The following ABCA4 variants were observed in gnomAD, a reference collection of about 807,000 sequenced individuals.
ABCA4 encodes the protein ATP binding cassette subfamily A member 4, also known as retinal-specific phospholipid-transporting ATPase ABCA4.
ABCA4 carries 196 observed loss-of-function variants against 263.7 expected under a neutral mutation model. The observed-to-expected ratio is 0.74, with a 90% CI of 0.66 to 0.84. ABCA4 has a LOEUF of 0.84. Ranked by LOEUF, ABCA4 falls within the 40% of genes least tolerant of loss-of-function variation. The probability of loss-of-function intolerance (pLI) is 0.00; values close to 1 mark genes in which losing one functional copy is unlikely to be tolerated. For synonymous variants in ABCA4, 1,133 were observed against 1,094.2 expected, an observed-to-expected ratio of 1.04 and a Z score of -0.70; for missense variants, 2,792 against 2,855.1, an observed-to-expected ratio of 0.98 and a Z score of 0.50.
intron 1 of ABCA4, among the ~76,000 whole-genome samples, chr1:94,119,422 C>T (rs1048494927): frequency 2.0e-5 from 3 of 152,282 alleles, no homozygotes; most frequent in East Asian, 3.9e-4. Context: ...GCCATCCATG[C>T]GCATGGTTGA....
Position 94,010,829 on chromosome 1 carries a change from C to A in ABCA4, c.5685G>T (p.Leu1895=). 1 of 1,614,088 alleles carries A rather than the reference C, an allele frequency of 6.2e-7. No homozygotes were observed. The highest frequency in any genetic ancestry group is 8.5e-7 in the Non-Finnish European group (1 of 1,180,014). Residue 1895 remains leucine, a synonymous_variant, in exon 40 of 50, where the codon CTG becomes CTT. Transcript: ENST00000370225. ...EGVVYFLLTL[L]VQRHFFLSQW... Reference sequence around the variant, plus strand: ...GGGAGAGGAAGAAGTGGCGCTGGACCAGCAGGGTCAGGAGGAAGTACACCA... The same window carrying A: ...GGGAGAGGAAGAAGTGGCGCTGGACAAGCAGGGTCAGGAGGAAGTACACCA...
chr1:94,112,363 A>AGT (rs1662631547), intron 2 of ABCA4, among the ~76,000 whole-genome samples: 1 of 152,220 alleles, frequency 6.6e-6, no homozygotes, highest in Non-Finnish European at 1.5e-5. Context: ...TCGAGAACTC[A>AGT]TCTACAAATC....
In ABCA4 at chr1:94,054,789, G is replaced by A. The variant is rs1237088698; in HGVS notation, c.2587+322C>T. Among the ~76,000 whole-genome samples the A allele has an allele frequency of 2.0e-5, 3 of 152,122 alleles. No individual in the cohort carries two copies. In the East Asian group the frequency reaches 5.8e-4, roughly 29 times the overall value. Reference sequence around the variant, plus strand: ...AGCCAGTGCAAGCATTTGACAGAGAGGGCTGACACCACATGACCTTGATTC... The same window carrying A: ...AGCCAGTGCAAGCATTTGACAGAGAAGGCTGACACCACATGACCTTGATTC... On this transcript the variant is annotated intron_variant, in intron 16 of 49. Coordinates refer to ENST00000370225, the MANE Select transcript of ABCA4 (RefSeq NM_000350.3).
Position 94,078,653 on chromosome 1 carries a change from C to T in ABCA4, c.1293G>A (p.Trp431Ter), listed in dbSNP as rs886044725. The change falls in exon 10 of 50, where the codon TGG becomes TGA. Residue 431 changes from tryptophan (W) to a stop codon, truncating the protein, a stop_gained. Transcript: ENST00000370225. LOFTEE classifies it high-confidence loss of function. The stretch of plus-strand genomic sequence containing the variant: ...ACCAGATCTGGGGCCCTACTTCTTC[C>T]CAGGCTTTGACCAACTTCCTAACGT... ...LEHVRKLVKA[W>*]EEVGPQIWYF... 6.3e-7 allele frequency: 1 copy of T among 1,599,740 alleles called. No individual in the cohort carries two copies. The highest frequency in any genetic ancestry group is 8.5e-7 in the Non-Finnish European group (1 of 1,172,016).
rs771055152 is a variant in ABCA4 at position 94,001,042 on chromosome 1, T to A, written c.6346A>T (p.Ile2116Phe). 15 of 1,614,166 alleles carry A rather than the reference T, an allele frequency of 9.3e-6. No individual in the cohort carries two copies. The highest frequency in any genetic ancestry group is 1.1e-5 in the Non-Finnish European group (13 of 1,180,028). The part of the protein sequence containing the change: ...RRMLWNVIVS[I>F]IREGRAVVLT... ...ACCACAGCCCTCCCTTCTCTGATGA[T>A]GCTCACGATGACGTTCCACAGCATG... The change falls in exon 46 of 50, where the codon ATC becomes TTC. Residue 2116 changes from isoleucine (I) to phenylalanine (F), a missense_variant. Ile to Phe is a conservative substitution (Grantham distance 21, BLOSUM62 0). Transcript: ENST00000370225.
intron 4 of ABCA4, among the ~76,000 whole-genome samples, chr1:94,104,481 A>G (rs1662369280): frequency 6.6e-6 from 1 of 151,974 alleles, no homozygotes; most frequent in Non-Finnish European, 1.5e-5. Flanking sequence ...CTGGACAGCC[A>G]CCCTTCTCAT....
At chr1:94,053,458 A>G (rs963079364) in intron 16 of ABCA4, among the ~76,000 whole-genome samples, 5 of 152,252 alleles carry the variant, frequency 3.3e-5, no homozygotes, top group African/African-American at 1.2e-4. Flanking sequence ...AAGATACCAG[A>G]GTGCTAACCC....
At chr1:94,080,073 C>T (rs1391609815) in intron 8 of ABCA4, among the ~76,000 whole-genome samples, 1 of 152,050 alleles carries the variant, frequency 6.6e-6, no homozygotes, top group Non-Finnish European at 1.5e-5. Flanking sequence ...GTACTACACA[C>T]ATAGATTTTC....
At chr1:94,106,181 G>C (rs1459108711) in intron 4 of ABCA4, among the ~76,000 whole-genome samples, 1 of 152,220 alleles carries the variant, frequency 6.6e-6, no homozygotes, top group Non-Finnish European at 1.5e-5. Flanking sequence ...CTTGTCCCCA[G>C]ATTTGCTCTG....
chr1:94,055,390 A>C lies in ABCA4; in HGVS notation c.2383-75T>G. 2.0e-6 allele frequency: 3 copies of C among 1,483,516 alleles called. No individual in the cohort carries two copies. In the African/African-American group the frequency reaches 4.1e-5, roughly 20 times the overall value. 91.9% of individuals were successfully genotyped at this position (1,483,516 alleles called of 1,614,324 possible). A position where few individuals can be genotyped will look rare whatever the true frequency, so the allele number is the denominator to read the frequency against. ...ATGCAACAGCACCCAGATGCCCTCG[A>C]GGTAGAGGGGAGGGCCAAAAGAGGG... On this transcript the variant is annotated intron_variant, in intron 15 of 49. Transcript: ENST00000370225.
At chr1:94,021,086 A>C (rs938343312) in intron 35 of ABCA4, among the ~76,000 whole-genome samples, 154 bp downstream of exon 35, 2 of 152,254 alleles carry the variant, frequency 1.3e-5, no homozygotes, top group Non-Finnish European at 2.9e-5. Context: ...GTGAAGTGTG[A>C]GGCACTTATT....
At chr1:94,042,632 A>AT in intron 22 of ABCA4, 129 bp downstream of exon 22, 1 of 1,318,724 alleles carries the variant, frequency 7.6e-7, no homozygotes, top group South Asian at 1.2e-5. Flanking sequence ...CAAGTCACTG[A>AT]TAAACCCCCT....
In ABCA4 at chr1:94,042,001, A is replaced by C. The variant is rs1660500197; in HGVS notation, c.3329-599T>G. On this transcript the variant is annotated intron_variant, in intron 22 of 49. Transcript: ENST00000370225. ...GTAGTCCCAGCTACTCAGGAGGCTG[A>C]GGCAGGAGAATGGCTCGAACCCAGG... is the stretch of plus-strand genomic sequence containing the variant. 3.4e-5 allele frequency among the ~76,000 whole-genome samples: 5 copies of C among 145,088 alleles called. No individual in the cohort carries two copies. In the South Asian group the frequency reaches 1.2e-3, roughly 34 times the overall value.
chr1:94,031,165 A>T (rs767021579), intron 27 of ABCA4, 45 bp from the exon 28 acceptor site: 2 of 1,612,506 alleles, frequency 1.2e-6, no homozygotes, highest in East Asian at 2.2e-5. Context: ...TGGCATGGAG[A>T]TGTCACACGT....
At chr1:94,116,246 C>T (rs1465892957) in intron 1 of ABCA4, among the ~76,000 whole-genome samples, 1 of 152,042 alleles carries the variant, frequency 6.6e-6, no homozygotes, top group Non-Finnish European at 1.5e-5. Flanking sequence ...TCTTCTCATC[C>T]TTGAATTAGG....
In ABCA4 at chr1:94,029,464, C is replaced by T; in HGVS notation, c.4520G>A (p.Gly1507Glu). The change falls in exon 30 of 50, where the codon GGG becomes GAG. Residue 1507 changes from glycine (G) to glutamate (E), a missense_variant. Physicochemically the swap from Gly to Glu is moderately conservative, Grantham distance 98. Coordinates refer to ENST00000370225, the MANE Select transcript of ABCA4 (RefSeq NM_000350.3). ...TMLPECPEGAGGLPPPQRTQR... is the reference protein window; with the variant it reads ...TMLPECPEGAEGLPPPQRTQR... The stretch of plus-strand genomic sequence containing the variant: ...AGGTACCTGGGGGGGCGGGAGGCCC[C>T]CGGCACCCTCGGGGCACTCTGGCAG... The T allele has an allele frequency of 1.9e-6, 3 of 1,560,812 alleles. No individual in the cohort carries two copies. Among genetic ancestry groups the T allele is most frequent in the Non-Finnish European group, 2.6e-6 (3 of 1,151,370 alleles).
At chr1:94,114,957 A>G (rs1469564814) in intron 1 of ABCA4, among the ~76,000 whole-genome samples, 1 of 152,202 alleles carries the variant, frequency 6.6e-6, no homozygotes, top group African/African-American at 2.4e-5. Flanking sequence ...TGCCCAATAA[A>G]TATCCACGGA....
intron 44 of ABCA4, among the ~76,000 whole-genome samples, chr1:94,004,442 A>G (rs780768012): frequency 1.3e-5 from 2 of 152,196 alleles, no homozygotes; most frequent in African/African-American, 4.8e-5. Context: ...TACCACTATA[A>G]AAAACAAACT....
intron 2 of ABCA4, among the ~76,000 whole-genome samples, 153 bp from the exon 3 acceptor site, chr1:94,111,732 C>T (rs564110430): frequency 6.6e-6 from 1 of 152,284 alleles, no homozygotes; most frequent in East Asian, 1.9e-4. Context: ...CTCATGTGTG[C>T]CAGTCCCTGT....
Sources: gnomAD v4.1 joint callset for allele counts (sites outside exome capture counted in the v4.1 genomes callset) on GRCh38, gnomAD v4.1.1 for gene constraint, MANE v1.5 for transcripts, NCBI Gene and HGNC (gene_info 2026-07-23, HGNC 2026-07-21) for gene names.